The following CNTNAP5 variants were observed in gnomAD, a reference collection of about 807,000 sequenced individuals.
CNTNAP5 encodes the protein contactin-associated protein-like 5.
Under a neutral mutation model 150.2 loss-of-function variants are expected in CNTNAP5, and 72 were observed. The observed-to-expected ratio is 0.48, with a 90% CI of 0.40 to 0.58. CNTNAP5 has a LOEUF of 0.58. CNTNAP5 is among the 20% of genes least tolerant of loss of function. The pLI is 0.00. For missense variants in CNTNAP5, 1,636 were observed against 1,626.2 expected (o/e 1.01, Z -0.10); for synonymous variants, 672 against 619.8 (o/e 1.08, Z -1.25).
intron 6 of CNTNAP5, among the ~76,000 whole-genome samples, chr2:124,452,061 A>G (rs1692995152): frequency 6.6e-6 from 1 of 152,098 alleles, no homozygotes; most frequent in African/African-American, 2.4e-5. Flanking sequence ...AAGGAAGGGC[A>G]TGAATCCAGT....
chr2:124,270,371 AG>A (rs1687716685), intron 3 of CNTNAP5, among the ~76,000 whole-genome samples: 1 of 152,174 alleles, frequency 6.6e-6, no homozygotes, highest in Non-Finnish European at 1.5e-5. Flanking sequence ...TCTCATAGGG[AG>A]CTTAGCAGTG....
At chr2:124,520,312 C>G (rs1694822591) in intron 8 of CNTNAP5, among the ~76,000 whole-genome samples, 1 of 152,154 alleles carries the variant, frequency 6.6e-6, no homozygotes, top group East Asian at 1.9e-4. Context: ...ATAATGGTGT[C>G]AAGAACTACC....
intron 1 of CNTNAP5, among the ~76,000 whole-genome samples, chr2:124,156,065 TTGTGCCAATTAATGTATCATGTTG>T (rs1558778695): frequency 1.3e-5 from 2 of 152,326 alleles, no homozygotes; most frequent in East Asian, 3.9e-4. Flanking sequence ...GAGGGTAGAT[TTGTGCCAATTAATGTATCATGTTG>T]CAGAAAACAC....
intron 16 of CNTNAP5, among the ~76,000 whole-genome samples, chr2:124,769,480 G>T (rs1681144034): frequency 6.6e-6 from 1 of 152,040 alleles, no homozygotes; most frequent in Non-Finnish European, 1.5e-5. Context: ...AAGGTTGGGG[G>T]AAGTTGAACT....
chr2:124,819,485 T>G (rs2104667420), intron 19 of CNTNAP5, among the ~76,000 whole-genome samples: 1 of 152,224 alleles, frequency 6.6e-6, no homozygotes, highest in South Asian at 2.1e-4. Context: ...TCATCAAAAT[T>G]TTCTTATAAA....
At chr2:124,124,637 G>GA (rs1167917625) in intron 1 of CNTNAP5, among the ~76,000 whole-genome samples, 2 of 152,014 alleles carry the variant, frequency 1.3e-5, no homozygotes, top group South Asian at 2.1e-4. Flanking sequence ...TGAAATGAAG[G>GA]AAAAAATCTT....
At chr2:124,178,202 G>T (rs893784162) in intron 1 of CNTNAP5, among the ~76,000 whole-genome samples, 2 of 151,948 alleles carry the variant, frequency 1.3e-5, no homozygotes, top group African/African-American at 4.8e-5. Context: ...GTCAACTCCT[G>T]GGTTATTGCA....
intron 11 of CNTNAP5, among the ~76,000 whole-genome samples, chr2:124,572,065 G>C (rs1696176944): frequency 6.6e-6 from 1 of 152,174 alleles, no homozygotes; most frequent in Non-Finnish European, 1.5e-5. Flanking sequence ...GAGTATCCCA[G>C]ATTTTGTCAG....
intron 13 of CNTNAP5, among the ~76,000 whole-genome samples, chr2:124,697,104 CTTTA>C (rs1679421003): frequency 6.6e-6 from 1 of 151,832 alleles, no homozygotes; most frequent in South Asian, 2.1e-4. Flanking sequence ...TAAAAAAAAT[CTTTA>C]TTTGTTTTAG....
chr2:124,108,882 G>A (rs899514502), intron 1 of CNTNAP5, among the ~76,000 whole-genome samples: 3 of 152,078 alleles, frequency 2.0e-5, no homozygotes, highest in African/African-American at 7.2e-5. Context: ...TCCTTACAGG[G>A]GATATTCTTA....
intron 3 of CNTNAP5, among the ~76,000 whole-genome samples, chr2:124,375,243 T>C (rs576817401): frequency 3.8e-4 from 57 of 150,560 alleles, no homozygotes; most frequent in Non-Finnish European, 5.3e-4. Flanking sequence ...TATTTATTAA[T>C]TACAAAGAAA....
In CNTNAP5 at chr2:124,464,240, G is replaced by A. The variant is rs553162286; in HGVS notation, c.919-10499G>A. Among the ~76,000 whole-genome samples, 29 of 152,120 alleles carry A rather than the reference G, an allele frequency of 1.9e-4. No individual in the cohort carries two copies. The South Asian group carries it at 5.2e-3, about 27-fold the overall frequency. On this transcript the variant is annotated intron_variant, in intron 6 of 23. Transcript: ENST00000682447. Reference sequence around the variant, plus strand: ...CAGGACATGGATGAAGCAAGGGAGCGCAGGCACTTTCTAAATGAGGAGCAC... The same window carrying A: ...CAGGACATGGATGAAGCAAGGGAGCACAGGCACTTTCTAAATGAGGAGCAC...
At chr2:124,893,542 G>C (rs545913468) in intron 21 of CNTNAP5, among the ~76,000 whole-genome samples, 1 of 152,160 alleles carries the variant, frequency 6.6e-6, no homozygotes, top group Admixed American at 6.6e-5. Context: ...ACTTAACCTG[G>C]TGGAAGCTCC....
chr2:124,853,861 A>G (rs1677285500), intron 19 of CNTNAP5, among the ~76,000 whole-genome samples: 1 of 152,092 alleles, frequency 6.6e-6, no homozygotes, highest in African/African-American at 2.4e-5. Context: ...CTTTGTGTCC[A>G]TGAGTTCTCA....
chr2:124,359,616 T>C (rs1257790654), intron 3 of CNTNAP5, among the ~76,000 whole-genome samples: 2 of 129,700 alleles, frequency 1.5e-5, no homozygotes, highest in Non-Finnish European at 3.2e-5. Context: ...TGAGCGGTTT[T>C]GAGTGAGATT....
chr2:124,655,974 A>AGAAAGAAAGAAG (rs1678442481), intron 13 of CNTNAP5, among the ~76,000 whole-genome samples: 1 of 147,752 alleles, frequency 6.8e-6, no homozygotes, highest in African/African-American at 2.5e-5. Flanking sequence ...AAAGAAAGAA[A>AGAAAGAAAGAAG]GAAAGAAAGA....
intron 19 of CNTNAP5, among the ~76,000 whole-genome samples, chr2:124,800,203 G>A (rs1378236584): frequency 1.3e-5 from 2 of 152,138 alleles, no homozygotes; most frequent in African/African-American, 2.4e-5. Context: ...GATGTCATTG[G>A]ACCATAGTAA....
chr2:124,885,476 AC>A (rs1678059878), intron 21 of CNTNAP5, among the ~76,000 whole-genome samples: 1 of 151,890 alleles, frequency 6.6e-6, no homozygotes, highest in African/African-American at 2.4e-5. Flanking sequence ...TTTAAAGAAT[AC>A]AATTCAGAGG....
chr2:124,657,859 T>C (rs1678491922), intron 13 of CNTNAP5, among the ~76,000 whole-genome samples: 1 of 152,344 alleles, frequency 6.6e-6, no homozygotes, highest in East Asian at 1.9e-4. Flanking sequence ...TCTCTGATTT[T>C]ACGTACAACT....
Sources: gnomAD v4.1 joint callset for allele counts (sites outside exome capture counted in the v4.1 genomes callset) on GRCh38, gnomAD v4.1.1 for gene constraint, MANE v1.5 for transcripts, NCBI Gene and HGNC (gene_info 2026-07-23, HGNC 2026-07-21) for gene names.